The following CHRNB4 variants were observed in gnomAD, a reference collection of about 807,000 sequenced individuals.
The protein encoded by CHRNB4 is cholinergic receptor nicotinic beta 4 subunit, also known as neuronal acetylcholine receptor subunit beta-4.
Under a neutral mutation model 40.4 loss-of-function variants are expected in CHRNB4, and 23 were observed. The observed-to-expected ratio is 0.57, with a 90% CI of 0.41 to 0.81. The LOEUF (loss-of-function observed/expected upper bound fraction) is 0.81. Ranked by LOEUF, CHRNB4 falls within the 30% of genes least tolerant of loss-of-function variation. The pLI is 0.00. For synonymous variants in CHRNB4, 285 were observed against 274.4 expected (o/e 1.04, Z -0.38); for missense variants, 568 against 670.6 (o/e 0.85, Z 1.69).
chr15:78,660,921 G>A (rs773374902), upstream of CHRNB4: 1 of 381,402 alleles, frequency 2.6e-6, no homozygotes, highest in Non-Finnish European at 5.0e-6. Context: ...ACAATTGCCT[G>A]GGGATTTGAT....
In CHRNB4 at chr15:78,632,197, CTTTCTTTCTTTCTTTCTCTT is replaced by C. The variant is rs1567119655; in HGVS notation, c.205-885_205-866del. Among the ~76,000 whole-genome samples the C allele has an allele frequency of 4.0e-3, 339 of 84,906 alleles. 4 individuals are homozygous for C. Among genetic ancestry groups the C allele is most frequent in the African/African-American group, 0.027 (314 of 11,448 alleles). The allele number at this position is 84,906 out of a possible 152,430, so 55.7% of individuals were successfully genotyped here. A position where few individuals can be genotyped will look rare whatever the true frequency, so the allele number is the denominator to read the frequency against. ...TCTTTCTTTCTTTCTTTCTTTCTTT[CTTTCTTTCTTTCTTTCTCTT>C]TCTCTCTCTCTCTCTCTCTCTCTCT... On this transcript the variant is annotated intron_variant, in intron 2 of 5. Transcript: ENST00000261751.
At chr15:78,648,292 C>G (rs986686730) in intron 7 of CHRNB4, among the ~76,000 whole-genome samples, 2 of 150,706 alleles carry the variant, frequency 1.3e-5, no homozygotes, top group East Asian at 3.9e-4. Flanking sequence ...ACTCAGGAGG[C>G]TGAGGCAGGA....
chr15:78,652,830 T>C (rs58292347), intron 5 of CHRNB4, among the ~76,000 whole-genome samples: 5,545 of 152,224 alleles, frequency 0.036, 330 homozygotes, highest in African/African-American at 0.13. Context: ...GTAGAGCATG[T>C]CGCAGTGATT....
chr15:78,638,628 C>CGGT (rs1555422974), intron 1 of CHRNB4, among the ~76,000 whole-genome samples: 15 of 150,264 alleles, frequency 1.0e-4, no homozygotes, highest in African/African-American at 3.7e-4. Context: ...GCCGGGGGGC[C>CGGT]GGGGGGGTGG....
rs930679514 is a variant in CHRNB4 at position 78,659,267 on chromosome 15, AAAAC to A, written c.-850-902_-850-899del. On this transcript the variant is annotated intron_variant and NMD_transcript_variant, in intron 1 of 11. Transcript: ENST00000559849. ...AACATGGTTAAACCCCATCTCTTCC[AAAAC>A]AAACAAACAAACGCTAGCTGGGTAT... Among the ~76,000 whole-genome samples, 7 of 152,102 alleles carry A rather than the reference AAAAC, an allele frequency of 4.6e-5. No homozygotes were observed. The South Asian group carries it at 6.2e-4, about 14-fold the overall frequency.
chr15:78,645,130 A>T (rs1022408784), upstream of CHRNB4, among the ~76,000 whole-genome samples: 3 of 152,108 alleles, frequency 2.0e-5, no homozygotes, highest in African/African-American at 7.2e-5. Flanking sequence ...TCAGACTGTT[A>T]TACTGGGCCA....
intron 2 of CHRNB4, among the ~76,000 whole-genome samples, chr15:78,633,721 G>A (rs998993771): frequency 4.6e-5 from 7 of 152,280 alleles, no homozygotes; most frequent in African/African-American, 1.7e-4. Flanking sequence ...ACGAGGTTCA[G>A]GGACTTGAGC....
At chr15:78,637,636 G>A (rs899988890) in intron 1 of CHRNB4, among the ~76,000 whole-genome samples, 9 of 152,184 alleles carry the variant, frequency 5.9e-5, no homozygotes, top group Admixed American at 5.2e-4. Flanking sequence ...CCAGAGCACA[G>A]ACCAACCCAA....
intron 2 of CHRNB4, among the ~76,000 whole-genome samples, chr15:78,631,754 G>A (rs1184924414): frequency 6.6e-6 from 1 of 152,052 alleles, no homozygotes; most frequent in Non-Finnish European, 1.5e-5. Flanking sequence ...CTCTGTCCTG[G>A]CCTGCCTTTA....
intron 6 of CHRNB4, among the ~76,000 whole-genome samples, chr15:78,650,054 T>C (rs2054159565): frequency 1.3e-5 from 2 of 151,552 alleles, no homozygotes; most frequent in South Asian, 4.2e-4. Flanking sequence ...AGGAGGAGGA[T>C]GGCTGTGGAC....
chr15:78,641,138 G>A lies in CHRNB4; in HGVS notation c.-5C>T, dbSNP rs774913735. Reference sequence around the variant, plus strand: ...CAGGGAAGGCGCGCGCCTCATGGCCGGCGGGGCCGGGTGGCAGCCGCCGCG... The same window carrying A: ...CAGGGAAGGCGCGCGCCTCATGGCCAGCGGGGCCGGGTGGCAGCCGCCGCG... On this transcript the variant is annotated 5_prime_UTR_variant, in exon 1 of 6. Coordinates refer to ENST00000261751, the MANE Select transcript of CHRNB4 (RefSeq NM_000750.5). The A allele has an allele frequency of 1.5e-5, 23 of 1,553,256 alleles. No homozygotes were observed. Among genetic ancestry groups the A allele is most frequent in the East Asian group, 2.4e-5 (1 of 41,320 alleles).
At chr15:78,644,567 C>T (rs546534297), upstream of CHRNB4, among the ~76,000 whole-genome samples, 20 of 152,234 alleles carry the variant, frequency 1.3e-4, no homozygotes, top group East Asian at 1.2e-3. Flanking sequence ...AGAAAATAAA[C>T]TTCTGTTGTT....
chr15:78,631,384 A>G, intron 2 of CHRNB4, 52 bp from the exon 3 acceptor site: 1 of 1,577,634 alleles, frequency 6.3e-7, no homozygotes, highest in Non-Finnish European at 8.7e-7. Context: ...AGCCTCACAA[A>G]TGGATTGCAC....
intron 1 of CHRNB4, among the ~76,000 whole-genome samples, chr15:78,636,612 C>CTT (rs377161406): frequency 2.0e-4 from 29 of 143,444 alleles, no homozygotes; most frequent in African/African-American, 6.9e-4. Context: ...CTGTTTTTTC[C>CTT]TTTTTTTTTT....
intron 6 of CHRNB4, among the ~76,000 whole-genome samples, chr15:78,651,881 T>G (rs1173414739): frequency 1.3e-5 from 2 of 152,210 alleles, no homozygotes; most frequent in African/African-American, 4.8e-5. Flanking sequence ...GGGTTGCATC[T>G]GCCCCACACG....
At chr15:78,641,383 G>A (rs67401932), upstream of CHRNB4, 907 of 451,468 alleles carry the variant, frequency 2.0e-3, 1 homozygote, top group Non-Finnish European at 3.0e-3. Flanking sequence ...ATCTCTTCGG[G>A]CCTCGCAACC....
chr15:78,631,894 T>C (rs1323184730), intron 2 of CHRNB4, among the ~76,000 whole-genome samples: 3 of 152,168 alleles, frequency 2.0e-5, no homozygotes, highest in Non-Finnish European at 4.4e-5. Context: ...GCCCTAGTGA[T>C]CTGCCTCCCC....
chr15:78,641,190 C>T lies in CHRNB4; in HGVS notation c.-57G>A. On this transcript the variant is annotated 5_prime_UTR_variant, in exon 1 of 6. Transcript: ENST00000261751. ...GCTCCGCTGTGGGGTCACAGGGCAC[C>T]CGTGAGCCGCGCGGTCGAGTGAGCG... 3 of 1,436,422 alleles carry T rather than the reference C, an allele frequency of 2.1e-6. No homozygotes were observed. Among genetic ancestry groups the T allele is most frequent in the Non-Finnish European group, 1.8e-6 (2 of 1,094,414 alleles). 89.0% of individuals were successfully genotyped at this position (1,436,422 alleles called of 1,614,324 possible).
chr15:78,640,769 C>T (rs1352578147), intron 1 of CHRNB4, among the ~76,000 whole-genome samples: 2 of 152,224 alleles, frequency 1.3e-5, no homozygotes, highest in East Asian at 3.9e-4. Context: ...ACCCGCGGTG[C>T]CTGCAAAGCC....
Sources: gnomAD v4.1 joint callset for allele counts (sites outside exome capture counted in the v4.1 genomes callset) on GRCh38, gnomAD v4.1.1 for gene constraint, MANE v1.5 for transcripts, NCBI Gene and HGNC (gene_info 2026-07-23, HGNC 2026-07-21) for gene names.